The following LRBA variants were observed in gnomAD, a reference collection of about 807,000 sequenced individuals.
LRBA encodes the protein lipopolysaccharide-responsive and beige-like anchor protein.
LRBA carries 176 observed loss-of-function variants against 330.0 expected under a neutral mutation model. That is an observed-to-expected ratio of 0.53 (90% CI 0.47 to 0.60). LRBA has a LOEUF of 0.60. Among genes scored for constraint, LRBA ranks in the 20% least tolerant of loss-of-function variants. The probability of loss-of-function intolerance (pLI) is 0.00; values close to 1 mark genes in which losing one functional copy is unlikely to be tolerated. For synonymous variants in LRBA, 1,230 were observed against 1,193.0 expected, an observed-to-expected ratio of 1.03 and a Z score of -0.64; for missense variants, 3,259 against 3,444.8, an observed-to-expected ratio of 0.95 and a Z score of 1.35.
intron 48 of LRBA, among the ~76,000 whole-genome samples, chr4:150,329,174 G>C (rs1279082511): frequency 6.6e-6 from 1 of 152,126 alleles, no homozygotes; most frequent in East Asian, 1.9e-4. Context: ...TTCTTTCCAA[G>C]TCTTGAAGGC....
chr4:150,808,376 T>A lies in LRBA; in HGVS notation c.5328A>T (p.Lys1776Asn). 1 of 1,611,174 alleles carries A rather than the reference T, an allele frequency of 6.2e-7. No homozygotes were observed. Among genetic ancestry groups the A allele is most frequent in the Non-Finnish European group, 8.5e-7 (1 of 1,177,766 alleles). The change falls in exon 32 of 57, where the codon AAA (lysine) becomes AAT (asparagine). Residue 1776 changes from lysine (K) to asparagine (N), a missense_variant. Lys to Asn is a moderately conservative substitution (Grantham distance 94). Transcript: ENST00000651943. Reference sequence around the variant, plus strand: ...AATCAACTGTTGGAACTGAGGGCAATTTTGCATTAGATGATCTACTGCCTA... The same window carrying A: ...AATCAACTGTTGGAACTGAGGGCAAATTTGCATTAGATGATCTACTGCCTA... Reference protein sequence around the residue: ...ESPGSRSSNAKLPSVPTVDSV... With the variant: ...ESPGSRSSNANLPSVPTVDSV...
At chr4:150,883,086 G>C (rs1306616651) in intron 17 of LRBA, among the ~76,000 whole-genome samples, 1 of 152,062 alleles carries the variant, frequency 6.6e-6, no homozygotes, top group Non-Finnish European at 1.5e-5. Context: ...TTGAGACTGT[G>C]CTTACACCCC....
At chr4:150,435,912 C>T (rs1015112130) in intron 45 of LRBA, among the ~76,000 whole-genome samples, 1 of 151,938 alleles carries the variant, frequency 6.6e-6, no homozygotes, top group South Asian at 2.1e-4. Flanking sequence ...CTAAATATTT[C>T]AAAAATTTGG....
At chr4:150,488,397 T>C (rs1193362329) in intron 41 of LRBA, among the ~76,000 whole-genome samples, 4 of 151,630 alleles carry the variant, frequency 2.6e-5, no homozygotes, top group Non-Finnish European at 5.9e-5. Context: ...TGAGCAAATG[T>C]TCATATAATC....
At chr4:150,966,523 T>C (rs1738913188) in intron 2 of LRBA, among the ~76,000 whole-genome samples, 1 of 150,932 alleles carries the variant, frequency 6.6e-6, no homozygotes. Flanking sequence ...AGACGGGGTT[T>C]CACCATGTTA....
chr4:150,393,031 A>G (rs1220602568), intron 47 of LRBA, among the ~76,000 whole-genome samples: 1 of 151,880 alleles, frequency 6.6e-6, no homozygotes, highest in South Asian at 2.1e-4. Flanking sequence ...AAGGGGGGAG[A>G]ATATGATTCC....
chr4:150,400,182 T>C (rs1483048551), intron 47 of LRBA, among the ~76,000 whole-genome samples: 5 of 152,332 alleles, frequency 3.3e-5, no homozygotes, highest in South Asian at 2.1e-4. Context: ...CCAAGTCATG[T>C]TGTAAAGCTG....
At chr4:150,355,063 T>C (rs1303460514) in intron 47 of LRBA, among the ~76,000 whole-genome samples, 1 of 151,968 alleles carries the variant, frequency 6.6e-6, no homozygotes, top group Non-Finnish European at 1.5e-5. Context: ...ATAAAAAGTG[T>C]TATATAAAAT....
Position 151,014,470 on chromosome 4 carries a change from C to G in LRBA, c.173G>C (p.Gly58Ala), listed in dbSNP as rs79361576. ...TACAATATCCCTATTGGATACTTCTCCAACTTCAACCAAACCGGTCAACAC... is the reference window on the plus strand; with the variant it reads ...TACAATATCCCTATTGGATACTTCTGCAACTTCAACCAAACCGGTCAACAC... Reference protein sequence around the residue: ...FAVLTGLVEVGEVSNRDIVET... With the variant: ...FAVLTGLVEVAEVSNRDIVET... The change falls in exon 2 of 57, where the codon GGA becomes GCA. Residue 58 changes from glycine to alanine, a missense_variant. By Grantham distance (60) the Gly-to-Ala change is moderately conservative. Coordinates refer to ENST00000651943, the MANE Select transcript of LRBA (RefSeq NM_001364905.1). 87 of 1,614,222 alleles carry G rather than the reference C, an allele frequency of 5.4e-5. No homozygotes were observed. The East Asian group carries it at 1.9e-3, about 35-fold the overall frequency.
At chr4:150,517,461 C>A (rs1436298955) in intron 40 of LRBA, among the ~76,000 whole-genome samples, 31 of 152,026 alleles carry the variant, frequency 2.0e-4, no homozygotes, top group Admixed American at 2.0e-3. Flanking sequence ...GTCGAAGCTG[C>A]AGTAAGCCAT....
At chr4:150,743,908 T>C (rs965681690) in intron 35 of LRBA, among the ~76,000 whole-genome samples, 1 of 152,244 alleles carries the variant, frequency 6.6e-6, no homozygotes, top group African/African-American at 2.4e-5. Flanking sequence ...TCTGCCATTC[T>C]ATCACTTTGT....
At chr4:150,346,770 A>C (rs1024418429) in intron 48 of LRBA, among the ~76,000 whole-genome samples, 3 of 150,254 alleles carry the variant, frequency 2.0e-5, no homozygotes, top group South Asian at 2.1e-4. Flanking sequence ...AAAAAAAAAA[A>C]AAAAAAAAAA....
rs373677607 is a variant in LRBA, at chr4:150,329,107, A to C, written c.7363-3209T>G. Among the ~76,000 whole-genome samples the C allele has an allele frequency of 1.9e-4, 29 of 152,326 alleles. No homozygotes were observed. The Middle Eastern group carries it at 0.01, about 54-fold the overall frequency. ...CGTAATATAGTGGTCTGATTATTCT[A>C]TCTCAATGACAGAATAAAAGCTATA... On this transcript the variant is annotated intron_variant, in intron 48 of 56. Coordinates refer to ENST00000651943, the MANE Select transcript of LRBA (RefSeq NM_001364905.1).
intron 37 of LRBA, among the ~76,000 whole-genome samples, chr4:150,638,468 AT>A (rs1344713883): frequency 6.6e-6 from 1 of 152,198 alleles, no homozygotes; most frequent in Non-Finnish European, 1.5e-5. Context: ...GAGGGACCTC[AT>A]TTACTTTTAA....
At chr4:150,832,720 A>G (rs1322296491) in intron 28 of LRBA, among the ~76,000 whole-genome samples, 3 of 152,222 alleles carry the variant, frequency 2.0e-5, no homozygotes, top group African/African-American at 7.2e-5. Context: ...AAAAATAAAC[A>G]TGCAGAAGAA....
intron 2 of LRBA, among the ~76,000 whole-genome samples, chr4:150,982,967 G>A (rs577153944): frequency 1.2e-3 from 180 of 152,242 alleles, no homozygotes; most frequent in Admixed American, 2.2e-3. Flanking sequence ...CCAGTCTGAT[G>A]ATTTTTCCAC....
At chr4:150,916,774 G>A (rs776930779) in intron 5 of LRBA, 36 bp from the exon 6 acceptor site, 7 of 1,484,656 alleles carry the variant, frequency 4.7e-6, no homozygotes, top group East Asian at 4.7e-5. Flanking sequence ...TAACTCACGT[G>A]AAAACCTGTC....
At chr4:150,778,416 T>C (rs1163744965) in intron 34 of LRBA, among the ~76,000 whole-genome samples, 1 of 152,200 alleles carries the variant, frequency 6.6e-6, no homozygotes, top group East Asian at 1.9e-4. Context: ...AAATCAATTA[T>C]GTAATTACTA....
chr4:150,421,292 C>T (rs1748759272), intron 46 of LRBA, among the ~76,000 whole-genome samples: 1 of 141,084 alleles, frequency 7.1e-6, no homozygotes, highest in South Asian at 2.1e-4. Flanking sequence ...TATACTTATA[C>T]ATATATTATA....
Sources: gnomAD v4.1 joint callset for allele counts (sites outside exome capture counted in the v4.1 genomes callset) on GRCh38, gnomAD v4.1.1 for gene constraint, MANE v1.5 for transcripts, NCBI Gene and HGNC (gene_info 2026-07-23, HGNC 2026-07-21) for gene names.